The following HDGFL3 variants were observed in gnomAD, a reference collection of about 807,000 sequenced individuals.
HDGFL3 encodes the protein hepatoma-derived growth factor-related protein 3.
In HDGFL3, 6 loss-of-function variants were observed where a neutral mutation model predicts 27.6. That is an observed-to-expected ratio of 0.22 (90% CI 0.12 to 0.43). The LOEUF (loss-of-function observed/expected upper bound fraction) is 0.43, where lower values mean the gene tolerates loss of function less well. HDGFL3 is among the 20% of genes least tolerant of loss of function. The probability of loss-of-function intolerance (pLI) is 1.00; values close to 1 mark genes in which losing one functional copy is unlikely to be tolerated. For synonymous variants in HDGFL3, 88 were observed against 88.9 expected, an observed-to-expected ratio of 0.99 and a Z score of 0.05; for missense variants, 207 against 250.1, an observed-to-expected ratio of 0.83 and a Z score of 1.16.
chr15:83,147,474 GA>G (rs552586321), intron 5 of HDGFL3, among the ~76,000 whole-genome samples: 2 of 149,446 alleles, frequency 1.3e-5, no homozygotes, highest in South Asian at 2.1e-4. Flanking sequence ...CTCCCATCAA[GA>G]AAAAAAAAGA....
Position 83,138,399 on chromosome 15 carries a change from C to T in HDGFL3, c.*871G>A, listed in dbSNP as rs2036698114. The T allele has an allele frequency of 6.6e-6, 1 of 152,238 alleles. No homozygotes were observed. Among genetic ancestry groups the T allele is most frequent in the Non-Finnish European group, 1.5e-5 (1 of 67,972 alleles). The allele number at this position is 152,238 out of a possible 1,614,324, so 9.4% of individuals were successfully genotyped here. On this transcript the variant is annotated 3_prime_UTR_variant, in exon 6 of 6. Transcript: ENST00000299633. The stretch of plus-strand genomic sequence containing the variant: ...TTATCACAATAGCAACAATAATGTA[C>T]ACATAATAATGGTTTAAGGATGAAT...
At position 83,136,598 on chromosome 15, in the gene HDGFL3, C is replaced by T; in HGVS notation, c.*2672G>A. ...AAACATAGCATATGGAGTTCTTCCT[C>T]AGCTCTTGGCCTATCGTTGTATCTA... On this transcript the variant is annotated 3_prime_UTR_variant, in exon 6 of 6. Transcript: ENST00000299633. The T allele has an allele frequency of 6.2e-7, 1 of 1,613,612 alleles. No homozygotes were observed. Among genetic ancestry groups the T allele is most frequent in the East Asian group, 2.2e-5 (1 of 44,868 alleles).
At chr15:83,172,753 G>A (rs144578112) in intron 1 of HDGFL3, among the ~76,000 whole-genome samples, 38 of 151,688 alleles carry the variant, frequency 2.5e-4, no homozygotes, top group South Asian at 4.2e-4. Context: ...TCCAGGAGGC[G>A]GAGGCTGCAG....
At chr15:83,154,591 G>A (rs892030413) in intron 4 of HDGFL3, among the ~76,000 whole-genome samples, 1 of 152,054 alleles carries the variant, frequency 6.6e-6, no homozygotes, top group African/African-American at 2.4e-5. Context: ...AACCTAAAAT[G>A]TCATGTTATA....
At chr15:83,144,027 G>A (rs1005899701) in intron 5 of HDGFL3, among the ~76,000 whole-genome samples, 1 of 152,110 alleles carries the variant, frequency 6.6e-6, no homozygotes, top group African/African-American at 2.4e-5. Context: ...GATACGGCAC[G>A]ATTCTCAGAC....
chr15:83,152,069 T>C (rs1255763304), intron 4 of HDGFL3, among the ~76,000 whole-genome samples: 1 of 152,218 alleles, frequency 6.6e-6, no homozygotes, highest in Non-Finnish European at 1.5e-5. Context: ...CTGGCCCCAA[T>C]TGTGCGCCTT....
chr15:83,145,006 C>T (rs544205926), intron 5 of HDGFL3, among the ~76,000 whole-genome samples: 1 of 151,880 alleles, frequency 6.6e-6, no homozygotes, highest in East Asian at 1.9e-4. Flanking sequence ...GCGCCTGCTC[C>T]TTTCTGTCTC....
chr15:83,116,130 G>GGC (rs1194348208), intron 3 of HDGFL3, among the ~76,000 whole-genome samples: 6 of 152,334 alleles, frequency 3.9e-5, no homozygotes, highest in Non-Finnish European at 7.3e-5. Flanking sequence ...GATCACGAGA[G>GGC]GCAATTCTCT....
rs567207414 is a variant in HDGFL3 at position 83,162,267 on chromosome 15, G to C, written c.161+1732C>G. 6.6e-4 allele frequency among the ~76,000 whole-genome samples: 101 copies of C among 152,218 alleles called. 1 individual carries two copies. The highest frequency in any genetic ancestry group is 2.3e-3 in the African/African-American group (94 of 41,538). On this transcript the variant is annotated intron_variant, in intron 2 of 5. Transcript: ENST00000299633. ...ACTTGCCAGGGCAAGTATAATCTCAGGTTCAGGGACACCCAATACTTAGTA... is the reference window on the plus strand; with the variant it reads ...ACTTGCCAGGGCAAGTATAATCTCACGTTCAGGGACACCCAATACTTAGTA...
chr15:83,191,894 T>C (rs767152467), intron 1 of HDGFL3, among the ~76,000 whole-genome samples: 1 of 151,804 alleles, frequency 6.6e-6, no homozygotes, highest in Non-Finnish European at 1.5e-5. Flanking sequence ...GTAAGGATTT[T>C]GAACCATCTG....
chr15:83,168,530 C>T (rs895592235), intron 1 of HDGFL3, among the ~76,000 whole-genome samples: 4 of 152,124 alleles, frequency 2.6e-5, no homozygotes, highest in East Asian at 1.9e-4. Flanking sequence ...CCTCTATGCA[C>T]ACAAACAAGA....
chr15:83,162,434 G>T (rs186085630), intron 2 of HDGFL3, among the ~76,000 whole-genome samples: 8 of 152,124 alleles, frequency 5.3e-5, no homozygotes, highest in African/African-American at 1.7e-4. Context: ...TTGGAGATGG[G>T]TTCTAAAAAA....
At chr15:83,192,567 G>C (rs1567177117) in intron 1 of HDGFL3, among the ~76,000 whole-genome samples, 1 of 152,192 alleles carries the variant, frequency 6.6e-6, no homozygotes, top group Admixed American at 6.5e-5. Context: ...TACAGGTTAA[G>C]ACTTGGTTGT....
intron 4 of HDGFL3, among the ~76,000 whole-genome samples, chr15:83,153,237 C>A (rs1567167931): frequency 6.6e-6 from 1 of 151,956 alleles, no homozygotes; most frequent in Non-Finnish European, 1.5e-5. Flanking sequence ...CCAGGATGGT[C>A]TCGATCTCCT....
intron 1 of HDGFL3, among the ~76,000 whole-genome samples, chr15:83,176,798 G>A (rs2037317355): frequency 1.3e-5 from 2 of 151,800 alleles, no homozygotes; most frequent in Admixed American, 1.3e-4. Context: ...AACTCGGCAG[G>A]ATTTTTGCAC....
At chr15:83,197,780 T>C (rs1312573719) in intron 1 of HDGFL3, among the ~76,000 whole-genome samples, 2 of 152,062 alleles carry the variant, frequency 1.3e-5, no homozygotes, top group Non-Finnish European at 2.9e-5. Context: ...AGAAGTCAAT[T>C]ATAGGCCGGG....
intron 1 of HDGFL3, among the ~76,000 whole-genome samples, chr15:83,170,463 T>C (rs974348159): frequency 2.6e-5 from 4 of 152,142 alleles, no homozygotes; most frequent in African/African-American, 9.7e-5. Flanking sequence ...AAATAAGCAA[T>C]GGAGAAAGAA....
chr15:83,194,014 A>G (rs114870118), intron 1 of HDGFL3, among the ~76,000 whole-genome samples: 3,074 of 152,222 alleles, frequency 0.02, 108 homozygotes, highest in African/African-American at 0.07. Context: ...CTAAGCCCCA[A>G]TTTGGGGGCT....
intron 2 of HDGFL3, 84 bp downstream of exon 2, chr15:83,163,914 AG>A: frequency 1.2e-6 from 1 of 855,066 alleles, no homozygotes. Flanking sequence ...GATTTTAATA[AG>A]ACGTAAGATG....
Sources: gnomAD v4.1 joint callset for allele counts (sites outside exome capture counted in the v4.1 genomes callset) on GRCh38, gnomAD v4.1.1 for gene constraint, MANE v1.5 for transcripts, NCBI Gene and HGNC (gene_info 2026-07-23, HGNC 2026-07-21) for gene names.